ZBTB7C: variants seen among roughly 807,000 people sequenced by gnomAD.
The protein encoded by ZBTB7C is zinc finger and BTB domain containing 7C.
In ZBTB7C, 8 loss-of-function variants were observed where a neutral mutation model predicts 25.7. The ratio of observed to expected loss-of-function variants is 0.31; its 90% CI spans 0.18 to 0.56. The LOEUF (loss-of-function observed/expected upper bound fraction) is 0.56, where lower values mean the gene tolerates loss of function less well. ZBTB7C is among the 20% of genes least tolerant of loss of function. ZBTB7C has a pLI of 0.91. For missense variants in ZBTB7C, 824 were observed against 855.2 expected (o/e 0.96, Z 0.46); for synonymous variants, 394 against 369.0 (o/e 1.07, Z -0.78).
chr18:48,294,273 T>C (rs2045326199), intron 2 of ZBTB7C, among the ~76,000 whole-genome samples: 1 of 152,202 alleles, frequency 6.6e-6, no homozygotes, highest in African/African-American at 2.4e-5. Flanking sequence ...GGAAAGGCGT[T>C]GAACCAGCAG....
At chr18:48,364,440 T>C (rs2047179033) in intron 1 of ZBTB7C, among the ~76,000 whole-genome samples, 1 of 152,098 alleles carries the variant, frequency 6.6e-6, no homozygotes, top group South Asian at 2.1e-4. Context: ...GCTTTGATTA[T>C]GCAAAGAGTA....
At chr18:48,037,875 C>T (rs1252307687) in intron 4 of ZBTB7C, among the ~76,000 whole-genome samples, 1 of 152,206 alleles carries the variant, frequency 6.6e-6, no homozygotes, top group Non-Finnish European at 1.5e-5. Context: ...TTCCTGGCAT[C>T]CTTAAAGTCA....
intron 1 of ZBTB7C, among the ~76,000 whole-genome samples, chr18:48,406,542 A>G (rs1207927880): frequency 6.6e-6 from 1 of 152,236 alleles, no homozygotes; most frequent in African/African-American, 2.4e-5. Context: ...ATGCAAAAAA[A>G]GTGAAAGGCA....
intron 2 of ZBTB7C, among the ~76,000 whole-genome samples, chr18:48,190,122 CG>C (rs747182511): frequency 5.3e-5 from 8 of 152,102 alleles, no homozygotes; most frequent in Non-Finnish European, 1.0e-4. Flanking sequence ...GCCTTGGGTG[CG>C]GGCAGATGCT....
At chr18:48,404,053 G>A (rs1374755937) in intron 1 of ZBTB7C, among the ~76,000 whole-genome samples, 2 of 152,196 alleles carry the variant, frequency 1.3e-5, no homozygotes, top group African/African-American at 4.8e-5. Context: ...AGGAATTCGA[G>A]ACCAGCCTGG....
At chr18:48,216,524 T>TG (rs1042554235) in intron 2 of ZBTB7C, among the ~76,000 whole-genome samples, 1 of 152,058 alleles carries the variant, frequency 6.6e-6, no homozygotes, top group Non-Finnish European at 1.5e-5. Flanking sequence ...GCTCACTCCC[T>TG]GGGGGGCGAA....
intron 1 of ZBTB7C, among the ~76,000 whole-genome samples, chr18:48,358,188 C>A (rs550454713): frequency 6.6e-6 from 1 of 152,088 alleles, no homozygotes; most frequent in African/African-American, 2.4e-5. Flanking sequence ...CCCGTCTCCA[C>A]TAAAAATACA....
chr18:48,110,136 C>G lies in ZBTB7C; in HGVS notation c.-16-69013G>C, dbSNP rs78886753. Among the ~76,000 whole-genome samples the G allele has an allele frequency of 7.2e-3, 1,095 of 152,348 alleles. 13 individuals carry two copies. The highest frequency in any genetic ancestry group is 0.024 in the African/African-American group (1,008 of 41,576). ...ATGATGATTATGACCATTGTCATCACCCATTGTGCCCAGACAAGGCACAGT... is the reference window on the plus strand; with the variant it reads ...ATGATGATTATGACCATTGTCATCAGCCATTGTGCCCAGACAAGGCACAGT... On this transcript the variant is annotated intron_variant, in intron 3 of 4. Transcript: ENST00000590800.
At chr18:48,235,411 G>A (rs1442152378) in intron 2 of ZBTB7C, among the ~76,000 whole-genome samples, 1 of 151,920 alleles carries the variant, frequency 6.6e-6, no homozygotes, top group Non-Finnish European at 1.5e-5. Context: ...ACCAAATCAA[G>A]GACTGTAGAG....
At chr18:48,277,025 C>T (rs2044680540) in intron 2 of ZBTB7C, among the ~76,000 whole-genome samples, 1 of 151,906 alleles carries the variant, frequency 6.6e-6, no homozygotes, top group African/African-American at 2.4e-5. Flanking sequence ...AAACGTTAGA[C>T]CTAAAACCAT....
chr18:48,314,974 C>T (rs1397388205), intron 2 of ZBTB7C, among the ~76,000 whole-genome samples: 4 of 152,152 alleles, frequency 2.6e-5, no homozygotes, highest in South Asian at 2.1e-4. Context: ...ACAGCCCCTT[C>T]GGATGAAAGG....
At chr18:48,183,981 C>T (rs2041993517) in intron 3 of ZBTB7C, among the ~76,000 whole-genome samples, 1 of 152,148 alleles carries the variant, frequency 6.6e-6, no homozygotes, top group Non-Finnish European at 1.5e-5. Context: ...GGATACATCA[C>T]ATCCCACTGA....
intron 1 of ZBTB7C, among the ~76,000 whole-genome samples, chr18:48,340,992 A>G (rs1364409809): frequency 6.6e-6 from 1 of 152,176 alleles, no homozygotes; most frequent in Non-Finnish European, 1.5e-5. Context: ...TTCTCATAAA[A>G]GAAGGAGGTG....
At chr18:48,207,008 G>A (rs2042590566) in intron 2 of ZBTB7C, among the ~76,000 whole-genome samples, 1 of 152,066 alleles carries the variant, frequency 6.6e-6, no homozygotes, top group Non-Finnish European at 1.5e-5. Context: ...GAAAAAAATA[G>A]ACTTACCAAT....
At chr18:48,359,872 G>A (rs1408788912) in intron 1 of ZBTB7C, among the ~76,000 whole-genome samples, 1 of 152,210 alleles carries the variant, frequency 6.6e-6, no homozygotes, top group East Asian at 1.9e-4. Context: ...CTTAACATCT[G>A]TGGGGACTTG....
At chr18:48,062,686 C>T (rs1391275679) in intron 3 of ZBTB7C, among the ~76,000 whole-genome samples, 1 of 152,182 alleles carries the variant, frequency 6.6e-6, no homozygotes, top group East Asian at 1.9e-4. Context: ...TCTAGAACAT[C>T]TGAGAGCATC....
intron 3 of ZBTB7C, among the ~76,000 whole-genome samples, chr18:48,138,861 A>G (rs2040254090): frequency 6.6e-6 from 1 of 152,202 alleles, no homozygotes; most frequent in African/African-American, 2.4e-5. Context: ...ACCTGGATGG[A>G]ATCAGTATGA....
intron 3 of ZBTB7C, among the ~76,000 whole-genome samples, chr18:48,171,319 G>A (rs2041471855): frequency 6.6e-6 from 1 of 152,210 alleles, no homozygotes. Context: ...CCCTCCTGGA[G>A]AGCAATGGGC....
At chr18:48,266,383 A>C (rs540319845) in intron 2 of ZBTB7C, among the ~76,000 whole-genome samples, 1 of 152,142 alleles carries the variant, frequency 6.6e-6, no homozygotes, top group East Asian at 1.9e-4. Context: ...CTTCATCCAT[A>C]GAACAAGCAG....
Sources: allele counts gnomAD v4.1 joint callset (sites outside exome capture counted in the v4.1 genomes callset), GRCh38; gene constraint gnomAD v4.1.1; transcripts MANE v1.5; gene names NCBI Gene and HGNC (gene_info 2026-07-23, HGNC 2026-07-21).